ANO4: variants seen among roughly 807,000 people sequenced by gnomAD.
ANO4 encodes anoctamin 4.
A neutral mutation model predicts 141.9 loss-of-function variants in ANO4; 69 were observed. The observed-to-expected ratio is 0.49, with a 90% CI of 0.40 to 0.59. The LOEUF is 0.59. Ranked by LOEUF, ANO4 falls within the 20% of genes least tolerant of loss-of-function variation. The probability of loss-of-function intolerance (pLI) is 0.00; values close to 1 mark genes in which losing one functional copy is unlikely to be tolerated. For synonymous variants in ANO4, 350 were observed against 394.3 expected (o/e 0.89, Z 1.33); for missense variants, 894 against 1,162.2 (o/e 0.77, Z 3.36).
intron 7 of ANO4, among the ~76,000 whole-genome samples, chr12:100,986,416 G>T (rs745502511): frequency 7.3e-4 from 111 of 152,176 alleles, no homozygotes; most frequent in Non-Finnish European, 1.4e-3. Context: ...ATTAGATGGT[G>T]CCCACCTGTG....
chr12:100,853,309 C>T (rs377634375), intron 1 of ANO4, among the ~76,000 whole-genome samples: 19 of 151,866 alleles, frequency 1.3e-4, no homozygotes, highest in African/African-American at 4.6e-4. Context: ...TATAATTTAC[C>T]ATTCTTTTAT....
chr12:100,926,498 G>GA (rs1566018833), intron 3 of ANO4, among the ~76,000 whole-genome samples: 2 of 152,098 alleles, frequency 1.3e-5, no homozygotes, highest in African/African-American at 4.8e-5. Context: ...CAGGAAAAAT[G>GA]AAAACGTTTT....
intron 14 of ANO4, among the ~76,000 whole-genome samples, chr12:101,058,235 A>G (rs2048205643): frequency 6.6e-6 from 1 of 152,174 alleles, no homozygotes; most frequent in South Asian, 2.1e-4. Context: ...CTGTTTTGGT[A>G]CCAGTACCAT....
intron 7 of ANO4, among the ~76,000 whole-genome samples, chr12:100,976,757 A>G (rs1439839151): frequency 3.9e-5 from 6 of 152,260 alleles, no homozygotes; most frequent in Non-Finnish European, 8.8e-5. Flanking sequence ...TGGGACGGGA[A>G]AACAAAAACC....
At chr12:101,079,074 G>A (rs942895693) in intron 14 of ANO4, 119 bp from the exon 15 acceptor site, 14 of 818,274 alleles carry the variant, frequency 1.7e-5, no homozygotes, top group East Asian at 2.6e-5. Context: ...TCTGATATTC[G>A]ATGATGCTTA....
intron 3 of ANO4, among the ~76,000 whole-genome samples, chr12:100,750,298 A>ATTTTTTT (rs1174885460): frequency 3.7e-5 from 5 of 135,372 alleles, no homozygotes; most frequent in Non-Finnish European, 3.2e-5. Context: ...CACCTGGCTA[A>ATTTTTTT]TTTTTTTTTT....
At chr12:100,884,549 A>G (rs534236342) in intron 1 of ANO4, among the ~76,000 whole-genome samples, 6 of 152,314 alleles carry the variant, frequency 3.9e-5, no homozygotes, top group African/African-American at 1.4e-4. Flanking sequence ...ACAAATTACC[A>G]CACACTCAGT....
rs556741405 is a variant in ANO4 at position 101,096,472 on chromosome 12, AAG to A, written c.1739-59_1739-58del. On this transcript the variant is annotated intron_variant, in intron 18 of 27. Transcript: ENST00000392977. The stretch of plus-strand genomic sequence containing the variant: ...CCCACCCTGTGTGTGTGGGGAGGGA[AAG>A]AGAGGGAGTTGAGAGGGGATGAGAT... The A allele has an allele frequency of 1.4e-5, 18 of 1,280,850 alleles. No homozygotes were observed. In the East Asian group the frequency reaches 3.5e-4, roughly 25 times the overall value. 79.3% of individuals were successfully genotyped at this position (1,280,850 alleles called of 1,614,324 possible).
At chr12:100,827,089 A>G (rs1366596382) in intron 1 of ANO4, among the ~76,000 whole-genome samples, 2 of 152,006 alleles carry the variant, frequency 1.3e-5, no homozygotes, top group Non-Finnish European at 2.9e-5. Context: ...GTCAGGTCCT[A>G]TTACTCCCTT....
At chr12:100,852,231 A>G (rs910228965) in intron 1 of ANO4, 1 of 152,222 alleles carries the variant, frequency 6.6e-6, no homozygotes, top group African/African-American at 2.4e-5. Flanking sequence ...GCTATAATCT[A>G]TACCTAATCT....
intron 14 of ANO4, chr12:101,069,322 T>G: frequency 1.4e-6 from 1 of 705,272 alleles, no homozygotes. Context: ...GAAGATTTAT[T>G]GTCTTCAACT....
intron 14 of ANO4, among the ~76,000 whole-genome samples, chr12:101,051,525 A>G (rs924469032): frequency 6.6e-6 from 1 of 152,212 alleles, no homozygotes; most frequent in African/African-American, 2.4e-5. Flanking sequence ...TTCTTTGTAG[A>G]TAGAGATAAT....
chr12:100,971,361 T>A lies in ANO4; in HGVS notation c.512T>A (p.Val171Asp). Residue 171 changes from valine to aspartate, a missense_variant, in exon 6 of 28, where the codon GTC becomes GAC. Around this residue, in one of 2 missense-constraint regions of ANO4, gnomAD observed 257 missense variants for 253.0 expected, o/e 1.02. Transcript: ENST00000392977. The part of the protein sequence containing the change: ...IFVKLHAPWE[V>D]LGRYAEQMNV... ...GTGAAGTTGCATGCCCCATGGGAAG[T>A]CCTTGGAAGATATGCAGAACAAATG... 1 of 1,611,814 alleles carries A rather than the reference T, an allele frequency of 6.2e-7. No individual in the cohort carries two copies. Among genetic ancestry groups the A allele is most frequent in the Admixed American group, 1.7e-5 (1 of 59,990 alleles).
chr12:100,722,483 T>G (rs961188090), intron 1 of ANO4, among the ~76,000 whole-genome samples: 1 of 152,178 alleles, frequency 6.6e-6, no homozygotes, highest in Non-Finnish European at 1.5e-5. Context: ...TTCTCAGGTT[T>G]CTGGACCTTG....
chr12:101,017,437 C>T (rs2046356760), intron 8 of ANO4, among the ~76,000 whole-genome samples: 1 of 152,132 alleles, frequency 6.6e-6, no homozygotes, highest in Admixed American at 6.5e-5. Flanking sequence ...ATATCAAGCA[C>T]CACACTGCAT....
chr12:100,938,306 C>T (rs2042368020), intron 3 of ANO4, among the ~76,000 whole-genome samples: 2 of 152,188 alleles, frequency 1.3e-5, no homozygotes, highest in African/African-American at 2.4e-5. Flanking sequence ...GGCAGGAAGC[C>T]AGGTCACTTT....
intron 1 of ANO4, among the ~76,000 whole-genome samples, chr12:100,829,964 T>C (rs1018714073): frequency 6.6e-6 from 1 of 152,076 alleles, no homozygotes; most frequent in African/African-American, 2.4e-5. Flanking sequence ...GGTGACAGAA[T>C]TGCATTGAAA....
At chr12:101,025,326 A>T (rs940968126) in intron 9 of ANO4, among the ~76,000 whole-genome samples, 4 of 152,242 alleles carry the variant, frequency 2.6e-5, no homozygotes, top group Admixed American at 2.6e-4. Flanking sequence ...AGACAGCACC[A>T]TGAAAAGTGA....
At chr12:100,790,576 G>T (rs2034010516), upstream of ANO4, among the ~76,000 whole-genome samples, 1 of 151,586 alleles carries the variant, frequency 6.6e-6, no homozygotes. Context: ...TCTTATTTTG[G>T]CTTCACCAGA....
Sources: gnomAD v4.1 joint callset for allele counts (sites outside exome capture counted in the v4.1 genomes callset) on GRCh38, gnomAD v4.1.1 for gene constraint, gnomAD v4.1.1 regional missense constraint, MANE v1.5 for transcripts, NCBI Gene and HGNC (gene_info 2026-07-23, HGNC 2026-07-21) for gene names.